The following LINGO1 variants were observed in gnomAD, a reference collection of about 807,000 sequenced individuals.
LINGO1 encodes the protein leucine rich repeat and Ig domain containing 1.
Under a neutral mutation model 37.3 loss-of-function variants are expected in LINGO1, and 11 were observed. The observed-to-expected ratio is 0.29, with a 90% confidence interval of 0.19 to 0.49. The LOEUF is 0.49. LINGO1 is among the 20% of genes least tolerant of loss of function. The pLI is 0.99. For missense variants in LINGO1, 585 were observed against 878.2 expected (o/e 0.67, Z 4.22); for synonymous variants, 387 against 403.0 (o/e 0.96, Z 0.48).
At chr15:77,787,469 G>A (rs2076782912), upstream of LINGO1, among the ~76,000 whole-genome samples, 1 of 151,858 alleles carries the variant, frequency 6.6e-6, no homozygotes, top group African/African-American at 2.4e-5. Flanking sequence ...GTGTGCAGAG[G>A]CTAAGCACAG....
In LINGO1 at chr15:77,677,750, T is replaced by C. The variant is rs546172230; in HGVS notation, c.-98-576A>G. Among the ~76,000 whole-genome samples, 8 of 152,182 alleles carry C rather than the reference T, an allele frequency of 5.3e-5. No individual in the cohort carries two copies. The East Asian group carries it at 1.5e-3, about 29-fold the overall frequency. On this transcript the variant is annotated intron_variant, in intron 2 of 3. Coordinates refer to the LINGO1 transcript ENST00000559893. Reference sequence around the variant, plus strand: ...CAGTGACACCCCGATCCACCCTTCCTCATTCTTCACTACACCCCCATCACT... The same window carrying C: ...CAGTGACACCCCGATCCACCCTTCCCCATTCTTCACTACACCCCCATCACT...
At chr15:77,699,771 T>TCACCTGCATACAGTAAGCA (rs1567532365), upstream of LINGO1, among the ~76,000 whole-genome samples, 27 of 89,100 alleles carry the variant, frequency 3.0e-4, no homozygotes, top group Non-Finnish European at 4.0e-4. Flanking sequence ...ATACTAACCA[T>TCACCTGCATACAGTAAGCA]CATTCCCCCC....
chr15:77,765,957 A>G (rs919496809), intron 1 of LINGO1, among the ~76,000 whole-genome samples: 4 of 152,158 alleles, frequency 2.6e-5, no homozygotes, highest in African/African-American at 4.8e-5. Flanking sequence ...AAGCATTTGG[A>G]TGTCAGCTCC....
chr15:77,753,338 G>A (rs2076389237), intron 1 of LINGO1, among the ~76,000 whole-genome samples: 1 of 152,220 alleles, frequency 6.6e-6, no homozygotes, highest in Non-Finnish European at 1.5e-5. Context: ...TAAGTCACTG[G>A]CATTCTCCTG....
intron 1 of LINGO1, among the ~76,000 whole-genome samples, chr15:77,738,327 A>C (rs1275810646): frequency 1.3e-5 from 2 of 152,232 alleles, no homozygotes; most frequent in South Asian, 2.1e-4. Flanking sequence ...GTACAGACTG[A>C]AGTCCAAACT....
upstream of LINGO1, among the ~76,000 whole-genome samples, chr15:77,636,571 G>T (rs541315506): frequency 2.0e-5 from 3 of 152,242 alleles, no homozygotes; most frequent in Admixed American, 2.0e-4. Context: ...GTGCTCAGGT[G>T]GACCCCGTGT....
At chr15:77,788,878 CA>C (rs1157705892), upstream of LINGO1, among the ~76,000 whole-genome samples, 4 of 152,124 alleles carry the variant, frequency 2.6e-5, no homozygotes, top group Non-Finnish European at 5.9e-5. Flanking sequence ...GCCTTTCACC[CA>C]AAGGATACGG....
chr15:77,803,664 C>T (rs2076937074), intron 1 of LINGO1, among the ~76,000 whole-genome samples: 2 of 152,006 alleles, frequency 1.3e-5, no homozygotes, highest in Non-Finnish European at 2.9e-5. Flanking sequence ...GAGTTCTCAA[C>T]AGATCTGAGA....
chr15:77,773,652 C>T (rs2076607757), intron 1 of LINGO1, among the ~76,000 whole-genome samples: 1 of 152,154 alleles, frequency 6.6e-6, no homozygotes, highest in Admixed American at 6.5e-5. Context: ...AGAAGCTGAC[C>T]AAGGCCGCCC....
chr15:77,748,733 G>A lies in LINGO1; in HGVS notation c.-256-13680C>T, dbSNP rs116067949. Among the ~76,000 whole-genome samples, 374 of 151,958 alleles carry A rather than the reference G, an allele frequency of 2.5e-3. 3 individuals carry two copies. Among genetic ancestry groups the A allele is most frequent in the African/African-American group, 8.5e-3 (353 of 41,434 alleles). Reference sequence around the variant, plus strand: ...TTTATTGGGGGTGCGGTGCAGGGGAGAGACAGAGGTTTGCTTTGTTGCCCA... The same window carrying A: ...TTTATTGGGGGTGCGGTGCAGGGGAAAGACAGAGGTTTGCTTTGTTGCCCA... On this transcript the variant is annotated intron_variant, in intron 1 of 3. Transcript: ENST00000561686.
rs527424997 is a variant in LINGO1 at position 77,731,081 on chromosome 15, A to G, written c.-195+3911T>C. ...ACTCATGCTTGGCATTCAATGTCTT[A>G]GCTGAGAATTATTTTTATTATTCCG... On this transcript the variant is annotated intron_variant, in intron 2 of 3. Coordinates refer to the LINGO1 transcript ENST00000561686. Among the ~76,000 whole-genome samples the G allele has an allele frequency of 2.6e-5, 4 of 152,312 alleles. No homozygotes were observed. In the South Asian group the frequency reaches 8.3e-4, roughly 32 times the overall value.
At chr15:77,816,372 C>T (rs975931612) in intron 1 of LINGO1, among the ~76,000 whole-genome samples, 19 of 152,166 alleles carry the variant, frequency 1.2e-4, no homozygotes, top group Admixed American at 2.0e-4. Context: ...CCCCAGAAGC[C>T]CACGGAAGAA....
chr15:77,660,189 T>C (rs1034512393), intron 3 of LINGO1: 4 of 152,138 alleles, frequency 2.6e-5, no homozygotes, highest in Admixed American at 2.6e-4. Context: ...TCATGGTAAA[T>C]AGGCTTAGAA....
intron 1 of LINGO1, among the ~76,000 whole-genome samples, chr15:77,814,228 T>C (rs1388801636): frequency 6.6e-6 from 1 of 152,008 alleles, no homozygotes; most frequent in Non-Finnish European, 1.5e-5. Context: ...CCCCAGAAGT[T>C]TGGAAAGCCT....
chr15:77,752,453 G>A (rs1217638101), intron 1 of LINGO1, among the ~76,000 whole-genome samples: 3 of 152,306 alleles, frequency 2.0e-5, no homozygotes, highest in South Asian at 2.1e-4. Flanking sequence ...AACACAAATC[G>A]ATGGGCAGCA....
At chr15:77,650,494 A>T (rs79624625) in intron 3 of LINGO1, among the ~76,000 whole-genome samples, 8,178 of 152,206 alleles carry the variant, frequency 0.054, 251 homozygotes, top group East Asian at 0.14. Context: ...CCTGGACCCC[A>T]CAGGTTTGTC....
At chr15:77,763,943 T>C (rs2076502424) in intron 1 of LINGO1, among the ~76,000 whole-genome samples, 1 of 152,112 alleles carries the variant, frequency 6.6e-6, no homozygotes, top group Non-Finnish European at 1.5e-5. Context: ...CCAAGTCTCC[T>C]CAACTCTCAG....
intron 1 of LINGO1, among the ~76,000 whole-genome samples, chr15:77,771,570 G>A (rs2076585961): frequency 6.6e-6 from 1 of 152,204 alleles, no homozygotes; most frequent in South Asian, 2.1e-4. Flanking sequence ...TCGGATCATG[G>A]GAAAGAAGCC....
At chr15:77,748,005 G>T (rs752137040) in intron 1 of LINGO1, among the ~76,000 whole-genome samples, 1 of 152,224 alleles carries the variant, frequency 6.6e-6, no homozygotes, top group Non-Finnish European at 1.5e-5. Flanking sequence ...CTGGTGTGTA[G>T]CAGAGCCAAG....
Sources: gnomAD v4.1 joint callset for allele counts (sites outside exome capture counted in the v4.1 genomes callset) on GRCh38, gnomAD v4.1.1 for gene constraint, MANE v1.5 for transcripts, NCBI Gene and HGNC (gene_info 2026-07-23, HGNC 2026-07-21) for gene names.